The following HPRT1 variants were observed in gnomAD, a reference collection of about 807,000 sequenced individuals.
HPRT1 encodes hypoxanthine-guanine phosphoribosyltransferase.
Under a neutral mutation model 19.0 loss-of-function variants are expected in HPRT1, and 4 were observed. That is an observed-to-expected ratio of 0.21 (90% CI 0.10 to 0.48). HPRT1 has a LOEUF of 0.48. HPRT1 is among the 20% of genes least tolerant of loss of function. HPRT1 has a pLI of 0.98. For synonymous variants in HPRT1, 53 were observed against 54.9 expected (o/e 0.97, Z 0.15); for missense variants, 65 against 164.0 (o/e 0.40, Z 3.30).
chrX:134,477,997 T>C (rs2077630177), intron 3 of HPRT1, among the ~76,000 whole-genome samples: 1 of 112,280 alleles, frequency 8.9e-6, no homozygotes, highest in Non-Finnish European at 1.9e-5. Flanking sequence ...TTCTACCCTG[T>C]TTAATAATTC....
rs755918860 is a variant in HPRT1, at chrX:134,490,977, C to CCT, written c.402+797_402+798dup. On this transcript the variant is annotated intron_variant, in intron 5 of 8. Transcript: ENST00000298556. ...TTTCCTGATCACTTATCACTAACAG[C>CCT]CTCTCTCTCTCTCTCTCTCTCTCTC... is the stretch of plus-strand genomic sequence containing the variant. 5.3e-3 allele frequency among the ~76,000 whole-genome samples: 483 copies of CCT among 91,765 alleles called. 1 individual carries two copies. The highest frequency in any genetic ancestry group is 0.027 in the East Asian group (76 of 2,791). 79.7% of individuals were successfully genotyped at this position (91,765 alleles called of 115,157 possible).
At chrX:134,479,548 GC>G (rs2077633838) in intron 3 of HPRT1, among the ~76,000 whole-genome samples, 2 of 111,938 alleles carry the variant, frequency 1.8e-5, no homozygotes, top group Non-Finnish European at 3.8e-5. Flanking sequence ...GGGATTACAG[GC>G]GTGAGCCACC....
intron 6 of HPRT1, among the ~76,000 whole-genome samples, chrX:134,494,497 C>G (rs1200264010): frequency 9.0e-6 from 1 of 111,367 alleles, no homozygotes; most frequent in Non-Finnish European, 1.9e-5. Flanking sequence ...TCTAGTGAGT[C>G]ATATGTCAGC....
chrX:134,473,355 T>A lies in HPRT1; in HGVS notation c.28-4T>A. On this transcript the variant is annotated splice_region_variant and splice_polypyrimidine_tract_variant and intron_variant, in intron 1 of 8. Coordinates refer to ENST00000298556, the MANE Select transcript of HPRT1 (RefSeq NM_000194.3). Reference sequence around the variant, plus strand: ...TCATTGAAACAGCTATATTTCTTTTTCAGATTAGTGATGATGAACCAGGTT... The same window carrying A: ...TCATTGAAACAGCTATATTTCTTTTACAGATTAGTGATGATGAACCAGGTT... 1 of 1,067,950 alleles carries A rather than the reference T, an allele frequency of 9.4e-7. No individual in the cohort carries two copies. Among genetic ancestry groups the A allele is most frequent in the Non-Finnish European group, 1.3e-6 (1 of 764,268 alleles). The allele number at this position is 1,067,950 out of a possible 1,213,427, so 88.0% of individuals were successfully genotyped here. A position where few individuals can be genotyped will look rare whatever the true frequency, so the allele number is the denominator to read the frequency against.
At chrX:134,488,389 A>G (rs1021670470) in intron 4 of HPRT1, among the ~76,000 whole-genome samples, 10 of 110,877 alleles carry the variant, frequency 9.0e-5, no homozygotes, top group African/African-American at 3.0e-4. Flanking sequence ...CACCTGCCTC[A>G]GCCTCCCAAA....
chrX:134,460,224 GC>G lies in HPRT1; in HGVS notation c.-86del. On this transcript the variant is annotated 5_prime_UTR_variant, in exon 1 of 9. Coordinates refer to ENST00000298556, the MANE Select transcript of HPRT1 (RefSeq NM_000194.3). ...CCTCTCGGCTTTCCCGCGCGGCGCC[GC>G]CTCTTGCTGCGCCTCCGCCTCCTCC... is the stretch of plus-strand genomic sequence containing the variant. 5.0e-6 allele frequency: 5 copies of G among 1,000,463 alleles called. No individual in the cohort carries two copies. In the South Asian group the frequency reaches 1.0e-4, roughly 21 times the overall value. 82.4% of individuals were successfully genotyped at this position (1,000,463 alleles called of 1,213,427 possible).
rs17882449 is a variant in HPRT1 at position 134,486,677 on chromosome X, G to A, written c.384+147G>A. On this transcript the variant is annotated intron_variant, in intron 4 of 8. Transcript: ENST00000298556. ...TTGGAAGCAGTCTAGGTTAATTATC[G>A]TTCCCTAGGTCATGTAGTAAAAAGA... The A allele has an allele frequency of 4.3e-3, 2,065 of 479,465 alleles. 29 individuals carry two copies. In the African/African-American group the frequency reaches 0.044, roughly 10 times the overall value. The allele number at this position is 479,465 out of a possible 1,213,427, so 39.5% of individuals were successfully genotyped here.
rs143510093 is a variant in HPRT1, at chrX:134,466,141, C to T, written c.27+5803C>T. On this transcript the variant is annotated intron_variant, in intron 1 of 8. Transcript: ENST00000298556. ...GCCCTTATATGAAAAGACACCAGGA[C>T]GGGCGCAGTGGCTCACACCTGTAAT... Among the ~76,000 whole-genome samples the T allele has an allele frequency of 8.3e-4, 91 of 110,248 alleles. No homozygotes were observed. In the East Asian group the frequency reaches 0.023, roughly 28 times the overall value.
chrX:134,497,616 G>A (rs2077684764), intron 6 of HPRT1, among the ~76,000 whole-genome samples: 2 of 99,932 alleles, frequency 2.0e-5, no homozygotes, highest in African/African-American at 7.5e-5. Context: ...TGGGCAACAA[G>A]AGCAAAACTC....
At chrX:134,484,819 C>T (rs977342966) in intron 3 of HPRT1, among the ~76,000 whole-genome samples, 4 of 111,078 alleles carry the variant, frequency 3.6e-5, no homozygotes, top group Non-Finnish European at 7.5e-5. Flanking sequence ...TTGTGAACAA[C>T]TGATACAGTG....
intron 1 of HPRT1, among the ~76,000 whole-genome samples, chrX:134,461,588 T>C (rs2077584221): frequency 8.9e-6 from 1 of 112,072 alleles, no homozygotes; most frequent in African/African-American, 3.2e-5. Flanking sequence ...TTGGAGTTAT[T>C]GAGAGGATTA....
At chrX:134,471,213 G>GA (rs780543232) in intron 1 of HPRT1, among the ~76,000 whole-genome samples, 3 of 110,981 alleles carry the variant, frequency 2.7e-5, no homozygotes, top group African/African-American at 6.5e-5. Flanking sequence ...TATATTCATT[G>GA]AAAAAAATTT....
At chrX:134,460,870 A>G (rs2077581795) in intron 1 of HPRT1, among the ~76,000 whole-genome samples, 1 of 111,208 alleles carries the variant, frequency 9.0e-6, no homozygotes, top group African/African-American at 3.3e-5. Flanking sequence ...TCATGGCCTC[A>G]TTGAAGCCCC....
chrX:134,492,621 G>A (rs2077670678), intron 5 of HPRT1: 1 of 297,823 alleles, frequency 3.4e-6, no homozygotes, highest in Non-Finnish European at 6.5e-6. Context: ...CCTAGCCCAT[G>A]ACAGTCTCAC....
intron 3 of HPRT1, among the ~76,000 whole-genome samples, chrX:134,476,471 T>C (rs2077625379): frequency 8.9e-6 from 1 of 112,257 alleles, no homozygotes; most frequent in South Asian, 3.6e-4. Flanking sequence ...AAGTGATTGA[T>C]TGATTGATTG....
In HPRT1 at chrX:134,465,991, A is replaced by AC. The variant is rs17885259; in HGVS notation, c.27+5661dup. On this transcript the variant is annotated intron_variant, in intron 1 of 8. Transcript: ENST00000298556. ...GGACTGAGCATTTATGTCCTCCCAC[A>AC]CCCCCCCCATACCTTTTTTGAAGTC... Among the ~76,000 whole-genome samples, 100 of 105,836 alleles carry AC rather than the reference A, an allele frequency of 9.4e-4. 1 individual carries two copies. The highest frequency in any genetic ancestry group is 3.4e-3 in the South Asian group (8 of 2,376). 91.9% of individuals were successfully genotyped at this position (105,836 alleles called of 115,157 possible). A position where few individuals can be genotyped will look rare whatever the true frequency, so the allele number is the denominator to read the frequency against.
chrX:134,498,248 A>G (rs1414033824), intron 6 of HPRT1, 142 bp from the exon 7 acceptor site: 4 of 546,954 alleles, frequency 7.3e-6, no homozygotes, highest in Admixed American at 5.1e-5. Context: ...TCCATTTCAT[A>G]GTCTTTCCTT....
chrX:134,489,139 G>A (rs768378960), intron 4 of HPRT1, among the ~76,000 whole-genome samples: 7 of 111,474 alleles, frequency 6.3e-5, no homozygotes, highest in Non-Finnish European at 1.3e-4. Flanking sequence ...GCTTTACTTG[G>A]TTATAACTTT....
intron 4 of HPRT1, among the ~76,000 whole-genome samples, chrX:134,488,965 A>G (rs1382982573): frequency 2.7e-5 from 3 of 111,860 alleles, no homozygotes; most frequent in African/African-American, 9.7e-5. Context: ...GCAGTTGTCT[A>G]TAGTAGCTGC....
Sources: gnomAD v4.1 joint callset for allele counts (sites outside exome capture counted in the v4.1 genomes callset) on GRCh38, gnomAD v4.1.1 for gene constraint, MANE v1.5 for transcripts, NCBI Gene and HGNC (gene_info 2026-07-23, HGNC 2026-07-21) for gene names.